Variants in ASAP1 observed in about 807,000 individuals in gnomAD.
The protein encoded by ASAP1 is arf-GAP with SH3 domain, ANK repeat and PH domain-containing protein 1.
In ASAP1, 43 loss-of-function variants were observed where a neutral mutation model predicts 145.2. That is an observed-to-expected ratio of 0.30 (90% CI 0.23 to 0.38). The LOEUF (loss-of-function observed/expected upper bound fraction) is 0.38. ASAP1 is among the 10% of genes least tolerant of loss of function. ASAP1 has a pLI of 1.00. For missense variants in ASAP1, 1,018 were observed against 1,355.3 expected (o/e 0.75, Z 3.91); for synonymous variants, 546 against 515.5 (o/e 1.06, Z -0.80).
Position 130,358,654 on chromosome 8 carries a change from G to A in ASAP1, c.60-511C>T, listed in dbSNP as rs1275223034. Among the ~76,000 whole-genome samples, 5 of 146,972 alleles carry A rather than the reference G, an allele frequency of 3.4e-5. No homozygotes were observed. Among genetic ancestry groups the A allele is most frequent in the Admixed American group, 3.4e-4 (5 of 14,842 alleles). On this transcript the variant is annotated intron_variant, in intron 2 of 29. Transcript: ENST00000518721. This position sits in a 1 kb window ranked among gnomAD's most constrained non-coding sequence, Gnocchi z 4.1. The stretch of plus-strand genomic sequence containing the variant: ...GCGGCGCTCGCGCTGCAGTCACGGG[G>A]CCAAACAAGGAAGTGCTCTGCGCAC...
At chr8:130,434,733 G>T (rs1830250868) in intron 1 of ASAP1, among the ~76,000 whole-genome samples, 1 of 152,096 alleles carries the variant, frequency 6.6e-6, no homozygotes, top group Non-Finnish European at 1.5e-5. Context: ...CAAACGCAAT[G>T]ACATGCAAAA....
intron 27 of ASAP1, among the ~76,000 whole-genome samples, chr8:130,075,089 T>C (rs1393803446): frequency 6.6e-6 from 1 of 152,014 alleles, no homozygotes; most frequent in Non-Finnish European, 1.5e-5. Context: ...GAAAGCAGGC[T>C]GGAGAGGTAG....
At chr8:130,236,210 G>A (rs1818205949) in intron 4 of ASAP1, among the ~76,000 whole-genome samples, 1 of 152,030 alleles carries the variant, frequency 6.6e-6, no homozygotes, top group Non-Finnish European at 1.5e-5. Context: ...TAGGTGAGCT[G>A]GTACTGCAAT....
intron 12 of ASAP1, among the ~76,000 whole-genome samples, chr8:130,157,932 C>T (rs1412428808): frequency 6.6e-6 from 1 of 152,100 alleles, no homozygotes; most frequent in Non-Finnish European, 1.5e-5. Flanking sequence ...CTCTTTCCTT[C>T]CTTAGAATGT....
At chr8:130,169,113 AGAGTATTTGTTTCCTTATGTGG>A in intron 9 of ASAP1, 46 bp from the exon 10 acceptor site, 1 of 1,192,524 alleles carries the variant, frequency 8.4e-7, no homozygotes, top group Non-Finnish European at 1.2e-6. Context: ...TAAAAAAAAA[AGAGTATTTGTTTCCTTATGTGG>A]AAATAAAAAA....
At chr8:130,061,158 G>A (rs889151861) in intron 27 of ASAP1, 89 bp from the exon 28 acceptor site, 28 of 1,481,392 alleles carry the variant, frequency 1.9e-5, no homozygotes, top group Non-Finnish European at 2.5e-5. Context: ...CATCATGAAG[G>A]GAACTGACCT....
At chr8:130,100,705 G>A (rs2097527256) in intron 24 of ASAP1, among the ~76,000 whole-genome samples, 1 of 152,146 alleles carries the variant, frequency 6.6e-6, no homozygotes, top group Admixed American at 6.5e-5. Flanking sequence ...TTATTTTGCT[G>A]CTGAATTGAG....
rs770179367 is a variant in ASAP1 at position 130,092,058 on chromosome 8, G to A, written c.2487C>T (p.Pro829=). 7 of 1,573,134 alleles carry A rather than the reference G, an allele frequency of 4.4e-6. No homozygotes were observed. In the Admixed American group the frequency reaches 1.2e-4, roughly 27 times the overall value. Residue 829 remains proline (P), a synonymous_variant, in exon 25 of 30, where the codon CCC becomes CCT. Transcript: ENST00000518721. The part of the protein sequence containing the change: ...SSTLSKKRPP[P]PPPGHKRTLS... ...GGGTTCTCTTGTGTCCGGGTGGTGG[G>A]GGAGGAGGCCTCTTCTTGGATAGGG... is the stretch of plus-strand genomic sequence containing the variant.
At chr8:130,057,846 T>C (rs2097407630) in intron 29 of ASAP1, 108 bp downstream of exon 29, 5 of 1,419,314 alleles carry the variant, frequency 3.5e-6, no homozygotes, top group African/African-American at 1.4e-5. Flanking sequence ...ACAGGGTCCT[T>C]GTGCTCAAGA....
intron 3 of ASAP1, among the ~76,000 whole-genome samples, chr8:130,294,036 A>G (rs1822106557): frequency 6.6e-6 from 1 of 152,228 alleles, no homozygotes; most frequent in African/African-American, 2.4e-5. Context: ...AATCTTACGT[A>G]ATAGGTATTA....
At chr8:130,389,253 A>C (rs72724473) in intron 2 of ASAP1, among the ~76,000 whole-genome samples, 5,245 of 152,308 alleles carry the variant, frequency 0.034, 126 homozygotes, top group Middle Eastern at 0.065. Flanking sequence ...AGCACCACCC[A>C]GTAAGCTCTA....
intron 18 of ASAP1, among the ~76,000 whole-genome samples, chr8:130,121,449 G>A (rs13249018): frequency 0.026 from 3,910 of 152,162 alleles, 73 homozygotes; most frequent in Non-Finnish European, 0.042. Flanking sequence ...GTATCCTCTG[G>A]GGGCAAAGTC....
At chr8:130,354,616 A>G (rs1826193255) in intron 3 of ASAP1, among the ~76,000 whole-genome samples, 1 of 152,220 alleles carries the variant, frequency 6.6e-6, no homozygotes, top group African/African-American at 2.4e-5. Flanking sequence ...ATGCTCTCCT[A>G]GTCACTTACT....
chr8:130,326,191 G>A (rs1565210589), intron 3 of ASAP1, among the ~76,000 whole-genome samples: 1 of 152,180 alleles, frequency 6.6e-6, no homozygotes, highest in Non-Finnish European at 1.5e-5. Context: ...CCTCACTGCC[G>A]ACTTCCCAGC....
rs553953674 is a variant in ASAP1, at chr8:130,390,941, C to G, written c.59+10944G>C. Among the ~76,000 whole-genome samples, 578 of 122,042 alleles carry G rather than the reference C, an allele frequency of 4.7e-3. 15 individuals are homozygous for G. The highest frequency in any genetic ancestry group is 0.015 in the African/African-American group (553 of 36,848). The allele number at this position is 122,042 out of a possible 152,430, so 80.1% of individuals were successfully genotyped here. A position where few individuals can be genotyped will look rare whatever the true frequency, so the allele number is the denominator to read the frequency against. On this transcript the variant is annotated intron_variant, in intron 2 of 29. Transcript: ENST00000518721. ...CCACTTCTGGGTATATATCCCCCGC[C>G]CCCCCAAAATTGAAAGCAGGATCTG...
At chr8:130,221,659 T>C (rs1367460326) in intron 4 of ASAP1, among the ~76,000 whole-genome samples, 1 of 152,196 alleles carries the variant, frequency 6.6e-6, no homozygotes, top group East Asian at 1.9e-4. Flanking sequence ...AGGCCCCTTA[T>C]GTCCATACTA....
chr8:130,227,631 T>C (rs927367581), intron 4 of ASAP1, among the ~76,000 whole-genome samples: 4 of 150,624 alleles, frequency 2.7e-5, no homozygotes, highest in Admixed American at 2.7e-4. Context: ...AATGCTTATA[T>C]GTTTATTTAA....
At chr8:130,070,495 G>T (rs1382832739) in intron 27 of ASAP1, among the ~76,000 whole-genome samples, 1 of 152,116 alleles carries the variant, frequency 6.6e-6, no homozygotes. Flanking sequence ...GTAGAAGCTA[G>T]AGTGCTGGCA....
At chr8:130,376,793 C>G (rs375560122) in intron 2 of ASAP1, among the ~76,000 whole-genome samples, 70 of 149,966 alleles carry the variant, frequency 4.7e-4, no homozygotes, top group African/African-American at 1.6e-3. Context: ...ATCCCACATA[C>G]TTGGGAGGCT....
Sources: allele counts gnomAD v4.1 joint callset (sites outside exome capture counted in the v4.1 genomes callset), GRCh38; gene constraint gnomAD v4.1.1; non-coding constraint Gnocchi (gnomAD v3.1); transcripts MANE v1.5; gene names NCBI Gene and HGNC (gene_info 2026-07-23, HGNC 2026-07-21).